TRRAP: variants seen among roughly 807,000 people sequenced by gnomAD.
TRRAP encodes the protein transformation/transcription domain-associated protein.
Under a neutral mutation model 438.8 loss-of-function variants are expected in TRRAP, and 41 were observed. The ratio of observed to expected loss-of-function variants is 0.09; its 90% CI spans 0.07 to 0.12. TRRAP has a LOEUF of 0.12. Ranked by LOEUF, TRRAP falls within the 10% of genes least tolerant of loss-of-function variation. TRRAP has a pLI of 1.00. For missense variants in TRRAP, 3,122 were observed against 5,055.1 expected (o/e 0.62, Z 11.60); for synonymous variants, 1,994 against 1,962.9 (o/e 1.02, Z -0.42).
intron 7 of TRRAP, 51 bp from the exon 8 acceptor site, chr7:98,897,690 T>G: frequency 6.7e-7 from 1 of 1,482,826 alleles, no homozygotes; most frequent in Non-Finnish European, 9.1e-7. Context: ...TGTTTTTGAA[T>G]GAATATTGGG....
chr7:98,937,564 T>C, intron 29 of TRRAP, 86 bp from the exon 30 acceptor site: 1 of 1,386,902 alleles, frequency 7.2e-7, no homozygotes. Flanking sequence ...AACGGAAACT[T>C]GCAGCTAAGG....
rs1554412497 is a variant in TRRAP at position 98,930,105 on chromosome 7, A to G, written c.3292A>G (p.Ile1098Val). Reference sequence around the variant, plus strand: ...TTTGGTTCTCATTGATGCAATTGCTATTTGTATGGCATATGAAGAAAAGGA... The same window carrying G: ...TTTGGTTCTCATTGATGCAATTGCTGTTTGTATGGCATATGAAGAAAAGGA... ...DPLVLIDAIA[I>V]CMAYEEKELC... is the part of the protein sequence containing the mutation. The change falls in exon 24 of 73, where the codon ATT becomes GTT. Residue 1098 changes from isoleucine to valine, a missense_variant. Transcript: ENST00000456197. 14 of 1,614,026 alleles carry G rather than the reference A, an allele frequency of 8.7e-6. No homozygotes were observed. The highest frequency in any genetic ancestry group is 1.0e-5 in the Non-Finnish European group (12 of 1,180,034).
At chr7:98,904,201 C>A (rs373349676) in intron 12 of TRRAP, among the ~76,000 whole-genome samples, 1 of 151,736 alleles carries the variant, frequency 6.6e-6, no homozygotes. Flanking sequence ...CTGACAGATT[C>A]AGCTGGGTGT....
chr7:98,990,182 C>T (rs567290299), intron 63 of TRRAP, among the ~76,000 whole-genome samples: 3 of 152,066 alleles, frequency 2.0e-5, no homozygotes, highest in Non-Finnish European at 4.4e-5. Context: ...GAGCCAAGAT[C>T]GCACCACGGC....
chr7:98,913,345 A>G (rs1014202932), intron 18 of TRRAP, among the ~76,000 whole-genome samples: 1 of 151,096 alleles, frequency 6.6e-6, no homozygotes, highest in Non-Finnish European at 1.5e-5. Flanking sequence ...GCTGGAGTGC[A>G]GTGGAGTGAT....
At chr7:98,902,955 T>A (rs1796540958) in intron 11 of TRRAP, among the ~76,000 whole-genome samples, 1 of 150,422 alleles carries the variant, frequency 6.6e-6, no homozygotes, top group Non-Finnish European at 1.5e-5. Context: ...TATGCACCCT[T>A]AGTCCCAGCT....
chr7:98,897,354 G>A (rs1796264156), intron 7 of TRRAP, among the ~76,000 whole-genome samples: 1 of 152,196 alleles, frequency 6.6e-6, no homozygotes, highest in Non-Finnish European at 1.5e-5. Flanking sequence ...GGGATGGAGT[G>A]CTTTCTTTCC....
chr7:98,957,087 C>T (rs752565470), intron 43 of TRRAP, among the ~76,000 whole-genome samples: 3 of 152,172 alleles, frequency 2.0e-5, no homozygotes, highest in African/African-American at 7.2e-5. Flanking sequence ...TGTCTGCCCT[C>T]GGCTTCTATT....
intron 41 of TRRAP, among the ~76,000 whole-genome samples, chr7:98,955,763 C>A (rs781988060): frequency 3.3e-5 from 5 of 152,120 alleles, no homozygotes; most frequent in African/African-American, 4.8e-5. Flanking sequence ...AAAGCAAATT[C>A]TTTTATAGTC....
rs1418823026 is a variant in TRRAP, at chr7:98,937,930, T to A, written c.4404+110T>A. 1.1e-5 allele frequency: 14 copies of A among 1,251,316 alleles called. No homozygotes were observed. In the East Asian group the frequency reaches 3.5e-4, roughly 31 times the overall value. 77.5% of individuals were successfully genotyped at this position (1,251,316 alleles called of 1,614,324 possible). A position where few individuals can be genotyped will look rare whatever the true frequency, so the allele number is the denominator to read the frequency against. On this transcript the variant is annotated intron_variant, in intron 30 of 72. Coordinates refer to ENST00000456197, the MANE Select transcript of TRRAP (RefSeq NM_001375524.1). ...TGGTTCACGCCTGTAATCCCAGCAC[T>A]TTGGGAGGCCGAGGTGGGTGGATCG...
At chr7:98,930,243 G>A (rs1584325034) in intron 24 of TRRAP, 37 bp downstream of exon 24, 1 of 1,608,716 alleles carries the variant, frequency 6.2e-7, no homozygotes, top group South Asian at 1.1e-5. Flanking sequence ...TGATTTGGAG[G>A]GTGTCTGTAC....
rs782371412 is a variant in TRRAP at position 98,956,500 on chromosome 7, A to G, written c.6198A>G (p.Lys2066=). 3 of 1,614,046 alleles carry G rather than the reference A, an allele frequency of 1.9e-6. No homozygotes were observed. In the South Asian group the frequency reaches 3.3e-5, roughly 18 times the overall value. ...GLSVDSAQEV[K]RFRTATGAIS... ...CCGTGGATTCTGCCCAGGAAGTGAA[A>G]CGCTTTAGGACGGCCACCGGAGCCA... Residue 2066 remains lysine, a synonymous_variant, in exon 43 of 73, where the codon AAA becomes AAG. Coordinates refer to ENST00000456197, the MANE Select transcript of TRRAP (RefSeq NM_001375524.1). The surrounding 1 kb of genome is among the most constrained non-coding windows in gnomAD (Gnocchi z 4.5).
At chr7:98,987,019 T>C (rs112392522) in intron 62 of TRRAP, among the ~76,000 whole-genome samples, 1 of 152,198 alleles carries the variant, frequency 6.6e-6, no homozygotes, top group Admixed American at 6.5e-5. Context: ...GCCCAGTGGC[T>C]CACACCTGTA....
At chr7:98,879,103 CTCT>C (rs1795301306) in intron 1 of TRRAP, among the ~76,000 whole-genome samples, 2 of 152,308 alleles carry the variant, frequency 1.3e-5, no homozygotes, top group Admixed American at 1.3e-4. Flanking sequence ...ACAGCGCCCC[CTCT>C]GGCCCGGCGG....
At position 98,979,279 on chromosome 7, in the gene TRRAP, C is replaced by T. The variant is rs1005687600; in HGVS notation, c.8634+375C>T. 2.4e-4 allele frequency among the ~76,000 whole-genome samples: 37 copies of T among 152,252 alleles called. No homozygotes were observed. In the Middle Eastern group the frequency reaches 0.01, roughly 42 times the overall value. On this transcript the variant is annotated intron_variant, in intron 58 of 72. Transcript: ENST00000456197. ...TCCCTCAGTATCCAGGACACCCCAG[C>T]GGTACCAAAATCCACGGACACTCAA...
Position 98,892,878 on chromosome 7 carries a change from T to C in TRRAP, c.366+350T>C, listed in dbSNP as rs1413860291. Among the ~76,000 whole-genome samples, 3 of 152,218 alleles carry C rather than the reference T, an allele frequency of 2.0e-5. No individual in the cohort carries two copies. In the East Asian group the frequency reaches 5.8e-4, roughly 29 times the overall value. The stretch of plus-strand genomic sequence containing the variant: ...AGTGTGGCGCATCACACCTAGTACA[T>C]GCTCATAAAGAGTATCTCACATCCT... On this transcript the variant is annotated intron_variant, in intron 5 of 72. Coordinates refer to ENST00000456197, the MANE Select transcript of TRRAP (RefSeq NM_001375524.1).
intron 46 of TRRAP, 121 bp downstream of exon 46, chr7:98,961,595 C>T: frequency 8.2e-7 from 1 of 1,214,066 alleles, no homozygotes; most frequent in South Asian, 1.4e-5. Context: ...TTCCTTTCTA[C>T]TTGCAAACTT....
intron 5 of TRRAP, 49 bp from the exon 6 acceptor site, chr7:98,893,749 T>C (rs781941132): frequency 6.4e-7 from 1 of 1,553,794 alleles, no homozygotes; most frequent in Non-Finnish European, 8.8e-7. Flanking sequence ...AAATTAGCCT[T>C]TAAAGTGAGT....
intron 67 of TRRAP, chr7:98,999,301 T>G: frequency 7.7e-7 from 1 of 1,300,468 alleles, no homozygotes; most frequent in Non-Finnish European, 1.1e-6. Flanking sequence ...TTAAAGCATT[T>G]TATCTGCTAA....
Sources: gnomAD v4.1 joint callset for allele counts (sites outside exome capture counted in the v4.1 genomes callset) on GRCh38, gnomAD v4.1.1 for gene constraint, Gnocchi (gnomAD v3.1) non-coding constraint, MANE v1.5 for transcripts, NCBI Gene and HGNC (gene_info 2026-07-23, HGNC 2026-07-21) for gene names.